SPIRE1: variants seen among roughly 807,000 people sequenced by gnomAD.
SPIRE1 encodes protein spire homolog 1.
A neutral mutation model predicts 94.1 loss-of-function variants in SPIRE1; 40 were observed. The observed-to-expected ratio is 0.43, with a 90% CI of 0.33 to 0.55. The LOEUF is 0.55. SPIRE1 is among the 20% of genes least tolerant of loss of function. SPIRE1 has a pLI of 0.06. For missense variants in SPIRE1, 838 were observed against 975.2 expected (o/e 0.86, Z 1.87); for synonymous variants, 376 against 371.7 (o/e 1.01, Z -0.13).
chr18:12,606,003 C>T (rs2036964997), intron 2 of SPIRE1, among the ~76,000 whole-genome samples: 1 of 152,066 alleles, frequency 6.6e-6, no homozygotes, highest in African/African-American at 2.4e-5. Context: ...TTCTGCCTGG[C>T]TTACTCCCTC....
chr18:12,507,965 T>G (rs1193883819), intron 5 of SPIRE1, among the ~76,000 whole-genome samples: 1 of 151,666 alleles, frequency 6.6e-6, no homozygotes, highest in African/African-American at 2.4e-5. Flanking sequence ...GCTAACATGG[T>G]GAAACCCCGT....
intron 16 of SPIRE1, chr18:12,450,648 A>G: frequency 1.7e-6 from 1 of 600,954 alleles, no homozygotes; most frequent in South Asian, 2.0e-5. Flanking sequence ...AAGGTGGATA[A>G]AGTACACTAC....
chr18:12,603,981 G>A (rs1036397064), intron 2 of SPIRE1, among the ~76,000 whole-genome samples: 1 of 152,112 alleles, frequency 6.6e-6, no homozygotes, highest in Non-Finnish European at 1.5e-5. Context: ...ACATGTGGGG[G>A]CTCCTGGCGG....
intron 12 of SPIRE1, among the ~76,000 whole-genome samples, chr18:12,461,439 T>TGTATGTACATATGTAC (rs1568183700): frequency 0.013 from 669 of 51,820 alleles, 8 homozygotes; most frequent in Middle Eastern, 0.048. Context: ...TATGTATGTA[T>TGTATGTACATATGTAC]ATACATACAT....
intron 16 of SPIRE1, chr18:12,451,077 A>G (rs1320604290): frequency 2.7e-5 from 11 of 413,000 alleles, no homozygotes; most frequent in Non-Finnish European, 4.4e-5. Flanking sequence ...CATTTGAAAA[A>G]AAAAAAAGAA....
intron 2 of SPIRE1, among the ~76,000 whole-genome samples, chr18:12,597,626 A>C (rs150443925): frequency 6.6e-6 from 1 of 152,356 alleles, no homozygotes; most frequent in Non-Finnish European, 1.5e-5. Flanking sequence ...AATTTGCTGT[A>C]TAGTAATAAT....
chr18:12,540,948 G>A (rs541120459), intron 3 of SPIRE1, among the ~76,000 whole-genome samples: 98 of 152,222 alleles, frequency 6.4e-4, no homozygotes, highest in Admixed American at 1.0e-3. Flanking sequence ...CAGCATATTT[G>A]CTCTCAGCCT....
rs1399150514 is a variant in SPIRE1, at chr18:12,521,974, GATAATTTA to G, written c.730-9451_730-9444del. On this transcript the variant is annotated intron_variant, in intron 4 of 16. Transcript: ENST00000409402. ...GCCTCCCTATTCCGTGAGACACAAT[GATAATTTA>G]ATTAGGCCAATTAATAACCCCACAA... 2.0e-5 allele frequency among the ~76,000 whole-genome samples: 3 copies of G among 152,084 alleles called. No homozygotes were observed. The East Asian group carries it at 5.8e-4, about 29-fold the overall frequency.
At chr18:12,520,394 A>T (rs757205599) in intron 4 of SPIRE1, among the ~76,000 whole-genome samples, 1 of 152,184 alleles carries the variant, frequency 6.6e-6, no homozygotes, top group Non-Finnish European at 1.5e-5. Context: ...TAAAAGCTGC[A>T]GGATCTGAAA....
At chr18:12,567,924 T>C (rs188664807) in intron 2 of SPIRE1, among the ~76,000 whole-genome samples, 1 of 152,354 alleles carries the variant, frequency 6.6e-6, no homozygotes, top group East Asian at 1.9e-4. Context: ...ACCAAAGCCA[T>C]TGGTCTTTGT....
At chr18:12,652,522 C>T (rs2038408354) in intron 1 of SPIRE1, among the ~76,000 whole-genome samples, 2 of 152,162 alleles carry the variant, frequency 1.3e-5, no homozygotes, top group African/African-American at 2.4e-5. Context: ...CATTTTAGGA[C>T]GTTATACATA....
rs869278182 is a variant in SPIRE1, at chr18:12,631,548, C to CAAAAAAAAAAAAAAA, written c.372+3499_372+3513dup. On this transcript the variant is annotated intron_variant, in intron 2 of 16. Coordinates refer to ENST00000409402, the MANE Select transcript of SPIRE1 (RefSeq NM_001128626.2). ...GCAACATAGCAAAACCCCATCTCTACAAAAAAAAAAAAAAAAAAAAAAAAA... is the reference window on the plus strand; with the variant it reads ...GCAACATAGCAAAACCCCATCTCTACAAAAAAAAAAAAAAAAAAAAAAAAAAAAAAAAAAAAAAAA... 2.7e-4 allele frequency among the ~76,000 whole-genome samples: 17 copies of CAAAAAAAAAAAAAAA among 63,790 alleles called. 1 individual carries two copies. Among genetic ancestry groups the CAAAAAAAAAAAAAAA allele is most frequent in the Non-Finnish European group, 3.8e-4 (14 of 36,544 alleles). 41.8% of individuals were successfully genotyped at this position (63,790 alleles called of 152,430 possible).
intron 2 of SPIRE1, among the ~76,000 whole-genome samples, chr18:12,583,661 T>C (rs1253363851): frequency 6.6e-6 from 1 of 151,810 alleles, no homozygotes; most frequent in Non-Finnish European, 1.5e-5. Context: ...AGGTAGCTCA[T>C]GCTTGTAATC....
Position 12,486,328 on chromosome 18 carries a change from A to T in SPIRE1, c.1190-328T>A, listed in dbSNP as rs144100874. ...ATGTTTGACTTAAATATAGATTTTT[A>T]AAAAAGCCATGTTTTAAAACATGAT... is the stretch of plus-strand genomic sequence containing the variant. On this transcript the variant is annotated intron_variant, in intron 8 of 16. Coordinates refer to ENST00000409402, the MANE Select transcript of SPIRE1 (RefSeq NM_001128626.2). 3.3e-3 allele frequency among the ~76,000 whole-genome samples: 504 copies of T among 152,346 alleles called. 2 individuals are homozygous for T. Among genetic ancestry groups the T allele is most frequent in the African/African-American group, 0.01 (428 of 41,586 alleles).
intron 10 of SPIRE1, among the ~76,000 whole-genome samples, chr18:12,479,159 A>AT (rs61059172): frequency 8.3e-5 from 12 of 143,924 alleles, no homozygotes; most frequent in Middle Eastern, 7.4e-3. Context: ...ACATATATGT[A>AT]TTTTTTTTTT....
At chr18:12,647,559 G>T (rs2038259702) in intron 1 of SPIRE1, among the ~76,000 whole-genome samples, 1 of 152,068 alleles carries the variant, frequency 6.6e-6, no homozygotes, top group African/African-American at 2.4e-5. Context: ...ACCAGCCTGG[G>T]CAATATAGTG....
chr18:12,450,869 A>T (rs2031202715), intron 16 of SPIRE1: 1 of 729,052 alleles, frequency 1.4e-6, no homozygotes, highest in Non-Finnish European at 2.5e-6. Context: ...GCAGCCTTAC[A>T]CCACTAAGGC....
At chr18:12,503,875 C>G (rs1280284350) in intron 6 of SPIRE1, among the ~76,000 whole-genome samples, 1 of 146,980 alleles carries the variant, frequency 6.8e-6, no homozygotes, top group Admixed American at 6.7e-5. Flanking sequence ...ATGGTCAACC[C>G]CAAAAGACAC....
intron 2 of SPIRE1, among the ~76,000 whole-genome samples, chr18:12,585,891 G>T (rs1598498041): frequency 6.6e-6 from 1 of 152,136 alleles, no homozygotes; most frequent in African/African-American, 2.4e-5. Context: ...CAAACATTTT[G>T]TTTCTATATT....
Sources: gnomAD v4.1 joint callset for allele counts (sites outside exome capture counted in the v4.1 genomes callset) on GRCh38, gnomAD v4.1.1 for gene constraint, MANE v1.5 for transcripts, NCBI Gene and HGNC (gene_info 2026-07-23, HGNC 2026-07-21) for gene names.